The following SNTG1 variants were observed in gnomAD, a reference collection of about 807,000 sequenced individuals.
SNTG1 encodes the protein gamma-1-syntrophin.
SNTG1 carries 39 observed loss-of-function variants against 74.7 expected under a neutral mutation model. The observed-to-expected ratio is 0.52, with a 90% confidence interval of 0.40 to 0.68. SNTG1 has a LOEUF of 0.68. SNTG1 is among the 30% of genes least tolerant of loss of function. The pLI is 0.00. For missense variants in SNTG1, 685 were observed against 609.5 expected (o/e 1.12, Z -1.30); for synonymous variants, 254 against 217.1 (o/e 1.17, Z -1.49).
At chr8:50,401,672 T>G (rs1422445512) in intron 3 of SNTG1, among the ~76,000 whole-genome samples, 3 of 152,078 alleles carry the variant, frequency 2.0e-5, no homozygotes, top group Admixed American at 6.6e-5. Context: ...TGTTGGTGAC[T>G]AGGAATGCTG....
At chr8:50,080,121 C>T (rs1822271843) in intron 1 of SNTG1, among the ~76,000 whole-genome samples, 1 of 152,068 alleles carries the variant, frequency 6.6e-6, no homozygotes, top group Non-Finnish European at 1.5e-5. Flanking sequence ...TGTGACTTTA[C>T]AAAACTTGTT....
intron 8 of SNTG1, among the ~76,000 whole-genome samples, chr8:50,495,534 C>T (rs1208153824): frequency 1.3e-5 from 2 of 151,858 alleles, no homozygotes; most frequent in Non-Finnish European, 2.9e-5. Context: ...TTGATTAACC[C>T]ACTACTTCCA....
chr8:50,789,550 A>T (rs1337230946), intron 18 of SNTG1, among the ~76,000 whole-genome samples: 2 of 151,988 alleles, frequency 1.3e-5, no homozygotes, highest in African/African-American at 2.4e-5. Context: ...TATATGTCTA[A>T]TATGCGTTCA....
chr8:50,023,274 A>G (rs186233579), intron 1 of SNTG1, among the ~76,000 whole-genome samples: 28 of 152,250 alleles, frequency 1.8e-4, no homozygotes, highest in Middle Eastern at 6.8e-3. Flanking sequence ...CTAGTATTCC[A>G]TTACCTCATC....
chr8:50,074,844 C>T (rs1335953812), intron 1 of SNTG1, among the ~76,000 whole-genome samples: 1 of 152,090 alleles, frequency 6.6e-6, no homozygotes, highest in Non-Finnish European at 1.5e-5. Context: ...CCTCTGCTTG[C>T]GAGGGAGTGG....
intron 2 of SNTG1, among the ~76,000 whole-genome samples, chr8:50,190,118 C>T (rs2083514161): frequency 6.6e-6 from 1 of 152,122 alleles, no homozygotes; most frequent in Admixed American, 6.6e-5. Context: ...AGGTTATCTA[C>T]TAGGCACTGG....
At chr8:50,608,420 A>G (rs1225255261) in intron 13 of SNTG1, among the ~76,000 whole-genome samples, 1 of 151,784 alleles carries the variant, frequency 6.6e-6, no homozygotes, top group Non-Finnish European at 1.5e-5. Flanking sequence ...TGTATTCAAA[A>G]TATATTGACA....
At chr8:50,288,511 T>A (rs931061562) in intron 2 of SNTG1, among the ~76,000 whole-genome samples, 1 of 152,154 alleles carries the variant, frequency 6.6e-6, no homozygotes, top group African/African-American at 2.4e-5. Context: ...AGCCTTTGCT[T>A]GTCATTTTTT....
chr8:49,949,500 T>C (rs1468086269), intron 1 of SNTG1, among the ~76,000 whole-genome samples: 1 of 152,170 alleles, frequency 6.6e-6, no homozygotes, highest in African/African-American at 2.4e-5. Flanking sequence ...CTATTTTGAA[T>C]TGCATAAATC....
At chr8:50,085,960 C>T (rs964226527) in intron 1 of SNTG1, among the ~76,000 whole-genome samples, 3 of 151,936 alleles carry the variant, frequency 2.0e-5, no homozygotes, top group South Asian at 2.1e-4. Context: ...GGACTGCTGG[C>T]GTAGCACAAT....
chr8:50,773,023 G>A (rs1210505209), intron 18 of SNTG1, among the ~76,000 whole-genome samples: 1 of 152,042 alleles, frequency 6.6e-6, no homozygotes, highest in Non-Finnish European at 1.5e-5. Flanking sequence ...AGTCACCAGA[G>A]TAATGAACCA....
chr8:50,592,314 A>AT (rs1172022908), intron 13 of SNTG1, among the ~76,000 whole-genome samples: 3 of 152,168 alleles, frequency 2.0e-5, no homozygotes, highest in African/African-American at 4.8e-5. Flanking sequence ...ATGGTGAATT[A>AT]TTTTTTAATT....
intron 13 of SNTG1, among the ~76,000 whole-genome samples, chr8:50,619,595 G>A (rs1416053765): frequency 6.6e-6 from 1 of 152,006 alleles, no homozygotes; most frequent in Non-Finnish European, 1.5e-5. Context: ...GCTGGGCGTG[G>A]TGGCGGGCGC....
intron 9 of SNTG1, among the ~76,000 whole-genome samples, chr8:50,509,932 G>T (rs1342302340): frequency 6.6e-6 from 1 of 152,090 alleles, no homozygotes; most frequent in Non-Finnish European, 1.5e-5. Context: ...TGATTGTCCT[G>T]TGCAGAGCTT....
intron 13 of SNTG1, among the ~76,000 whole-genome samples, chr8:50,631,375 T>G (rs78511037): frequency 0.043 from 6,562 of 152,302 alleles, 247 homozygotes; most frequent in African/African-American, 0.095. Context: ...CACCAATTGT[T>G]ATCCTGATTA....
At chr8:50,656,859 T>C in intron 13 of SNTG1, 50 bp from the exon 14 acceptor site, 3 of 1,146,664 alleles carry the variant, frequency 2.6e-6, no homozygotes, top group Non-Finnish European at 3.9e-6. Context: ...AGATATAAGA[T>C]ATCTAAAATA....
At chr8:50,653,367 G>A (rs1345895196) in intron 13 of SNTG1, among the ~76,000 whole-genome samples, 5 of 152,072 alleles carry the variant, frequency 3.3e-5, no homozygotes, top group African/African-American at 1.2e-4. Flanking sequence ...GGGAGGTCAC[G>A]TTAGAGCTGC....
chr8:50,666,115 A>C (rs541632045), intron 15 of SNTG1, among the ~76,000 whole-genome samples: 42 of 152,154 alleles, frequency 2.8e-4, no homozygotes, highest in Non-Finnish European at 5.0e-4. Flanking sequence ...CATCTATCTA[A>C]TGTAATGTAA....
At chr8:50,385,283 A>T (rs565538108) in intron 2 of SNTG1, among the ~76,000 whole-genome samples, 1 of 152,230 alleles carries the variant, frequency 6.6e-6, no homozygotes, top group African/African-American at 2.4e-5. Context: ...AGTCCACCCA[A>T]ATGAGGAATA....
Sources: gnomAD v4.1 joint callset for allele counts (sites outside exome capture counted in the v4.1 genomes callset) on GRCh38, gnomAD v4.1.1 for gene constraint, MANE v1.5 for transcripts, NCBI Gene and HGNC (gene_info 2026-07-23, HGNC 2026-07-21) for gene names.